Variants in COL26A1 observed in about 807,000 individuals in gnomAD.
COL26A1 encodes the protein collagen alpha-1(XXVI) chain.
A neutral mutation model predicts 59.3 loss-of-function variants in COL26A1; 41 were observed. That is an observed-to-expected ratio of 0.69 (90% CI 0.54 to 0.90). COL26A1 has a LOEUF of 0.90. Ranked by LOEUF, COL26A1 falls within the 40% of genes least tolerant of loss-of-function variation. COL26A1 has a pLI of 0.00. For missense variants in COL26A1, 612 were observed against 602.3 expected, an observed-to-expected ratio of 1.02 and a Z score of -0.17; for synonymous variants, 266 against 256.0, an observed-to-expected ratio of 1.04 and a Z score of -0.37.
At chr7:101,532,311 G>T (rs963243155) in intron 3 of COL26A1, among the ~76,000 whole-genome samples, 7 of 151,934 alleles carry the variant, frequency 4.6e-5, no homozygotes, top group Admixed American at 4.6e-4. Context: ...ACTTGACCTC[G>T]AATTTCACCC....
chr7:101,476,850 T>A (rs1794060281), intron 3 of COL26A1, among the ~76,000 whole-genome samples: 1 of 124,612 alleles, frequency 8.0e-6, no homozygotes, highest in Non-Finnish European at 1.7e-5. Context: ...CCCAGCCATT[T>A]TTTTTTTTTT....
chr7:101,371,152 G>A (rs186517825), intron 1 of COL26A1, among the ~76,000 whole-genome samples: 10 of 152,290 alleles, frequency 6.6e-5, no homozygotes, highest in African/African-American at 2.2e-4. Flanking sequence ...TGCATTCACT[G>A]AGCCCACGTG....
intron 3 of COL26A1, among the ~76,000 whole-genome samples, chr7:101,484,917 C>A (rs1234914383): frequency 6.6e-6 from 1 of 151,562 alleles, no homozygotes; most frequent in Non-Finnish European, 1.5e-5. Context: ...TGCAGTGGCA[C>A]AATCTCGGCT....
chr7:101,363,884 G>A (rs950804489), intron 1 of COL26A1, among the ~76,000 whole-genome samples: 13 of 152,126 alleles, frequency 8.5e-5, no homozygotes, highest in Admixed American at 5.9e-4. Flanking sequence ...AAGGCCTCGC[G>A]TCCCGGGCAC....
intron 2 of COL26A1, among the ~76,000 whole-genome samples, chr7:101,445,716 A>T: frequency 1.0e-5 from 1 of 98,390 alleles, no homozygotes; most frequent in Non-Finnish European, 1.9e-5. Flanking sequence ...TGGGCGACAG[A>T]GCGAGACTCC....
chr7:101,494,976 G>A (rs989109305), intron 3 of COL26A1, among the ~76,000 whole-genome samples: 1 of 152,164 alleles, frequency 6.6e-6, no homozygotes, highest in African/African-American at 2.4e-5. Flanking sequence ...TTCCTTCCCC[G>A]TGGCTTCCAA....
intron 1 of COL26A1, among the ~76,000 whole-genome samples, chr7:101,400,120 C>T (rs1791956899): frequency 6.6e-6 from 1 of 152,000 alleles, no homozygotes; most frequent in African/African-American, 2.4e-5. Context: ...GCCACTTGAG[C>T]AGGATGTGGA....
At chr7:101,528,929 G>A (rs1795308443) in intron 3 of COL26A1, among the ~76,000 whole-genome samples, 1 of 152,102 alleles carries the variant, frequency 6.6e-6, no homozygotes, top group African/African-American at 2.4e-5. Flanking sequence ...TCTTTGGGAG[G>A]CCAAGCCGGG....
intron 2 of COL26A1, among the ~76,000 whole-genome samples, chr7:101,441,262 G>A (rs1315318196): frequency 6.6e-6 from 1 of 152,134 alleles, no homozygotes; most frequent in East Asian, 1.9e-4. Context: ...TTCTCAGTCA[G>A]CTTATGTAAA....
At chr7:101,382,551 T>C (rs1562955927) in intron 1 of COL26A1, among the ~76,000 whole-genome samples, 1 of 152,264 alleles carries the variant, frequency 6.6e-6, no homozygotes, top group Non-Finnish European at 1.5e-5. Flanking sequence ...ACCACAGTTC[T>C]GTGTTTTAAT....
chr7:101,480,661 C>T (rs756829549), intron 3 of COL26A1, among the ~76,000 whole-genome samples: 9 of 152,014 alleles, frequency 5.9e-5, no homozygotes, highest in Non-Finnish European at 1.0e-4. Flanking sequence ...TCACCATGCC[C>T]AGCTTTTTGG....
chr7:101,542,097 A>C (rs73413420), intron 5 of COL26A1, among the ~76,000 whole-genome samples: 22,172 of 151,490 alleles, frequency 0.15, 1,936 homozygotes, highest in African/African-American at 0.23. Flanking sequence ...CTCCCTAATA[A>C]CTGGGATTAC....
At chr7:101,545,927 A>G (rs1203415574) in intron 7 of COL26A1, among the ~76,000 whole-genome samples, 1 of 152,106 alleles carries the variant, frequency 6.6e-6, no homozygotes, top group African/African-American at 2.4e-5. Flanking sequence ...ACCCGCCCTC[A>G]CTGCAGGTCA....
In COL26A1 at chr7:101,525,047, AGAATCTTAT is replaced by A. The variant is rs571401547; in HGVS notation, c.386-8023_386-8015del. Among the ~76,000 whole-genome samples the A allele has an allele frequency of 1.3e-4, 20 of 152,252 alleles. No homozygotes were observed. The East Asian group carries it at 1.7e-3, about 13-fold the overall frequency. ...TCATTGAGAATGGGTGCCCCAGAGA[AGAATCTTAT>A]GAATCTTATGATTTGTGAGTGTGTG... On this transcript the variant is annotated intron_variant, in intron 3 of 12. Transcript: ENST00000313669.
chr7:101,389,954 G>GT (rs1344814436), intron 1 of COL26A1, among the ~76,000 whole-genome samples: 5 of 152,018 alleles, frequency 3.3e-5, no homozygotes, highest in African/African-American at 7.2e-5. Context: ...TATTCTGTGA[G>GT]TTGCCTTTTC....
intron 1 of COL26A1, among the ~76,000 whole-genome samples, chr7:101,364,417 C>T (rs1790992107): frequency 6.6e-6 from 1 of 152,090 alleles, no homozygotes. Context: ...TCAAGCGATC[C>T]TCCCGCCTTG....
chr7:101,524,277 A>G (rs1475738388), intron 3 of COL26A1, among the ~76,000 whole-genome samples: 1 of 146,502 alleles, frequency 6.8e-6, no homozygotes, highest in Non-Finnish European at 1.5e-5. Context: ...TCTCAAAGAA[A>G]AAAAAAAAAA....
intron 1 of COL26A1, among the ~76,000 whole-genome samples, chr7:101,391,404 G>A (rs530398260): frequency 9.9e-5 from 15 of 152,256 alleles, no homozygotes; most frequent in African/African-American, 3.4e-4. Context: ...TCCTGGGCCC[G>A]TATCCTAGGA....
At chr7:101,539,743 T>G in intron 4 of COL26A1, 150 bp from the exon 5 acceptor site, 1 of 736,534 alleles carries the variant, frequency 1.4e-6, no homozygotes, top group Non-Finnish European at 2.1e-6. Context: ...GGGCCACGAG[T>G]GAGGTTCTCC....
Sources: gnomAD v4.1 joint callset for allele counts (sites outside exome capture counted in the v4.1 genomes callset) on GRCh38, gnomAD v4.1.1 for gene constraint, MANE v1.5 for transcripts, NCBI Gene and HGNC (gene_info 2026-07-23, HGNC 2026-07-21) for gene names.